XKR6: variants seen among roughly 807,000 people sequenced by gnomAD.
XKR6 encodes XK related 6.
In XKR6, 22 loss-of-function variants were observed where a neutral mutation model predicts 56.7. The ratio of observed to expected loss-of-function variants is 0.39; its 90% CI spans 0.28 to 0.55. The LOEUF (loss-of-function observed/expected upper bound fraction) is 0.55. Ranked by LOEUF, XKR6 falls within the 20% of genes least tolerant of loss-of-function variation. The pLI is 0.66. For synonymous variants in XKR6, 524 were observed against 387.8 expected (o/e 1.35, Z -4.13); for missense variants, 852 against 889.0 (o/e 0.96, Z 0.53).
intron 1 of XKR6, among the ~76,000 whole-genome samples, chr8:10,929,811 C>T (rs959784917): frequency 2.6e-5 from 4 of 152,190 alleles, no homozygotes; most frequent in African/African-American, 9.6e-5. Context: ...CAGATGGCAG[C>T]CATTACTGCT....
At position 11,014,225 on chromosome 8, in the gene XKR6, G is replaced by A. The variant is rs150073900; in HGVS notation, c.765-89395C>T. Among the ~76,000 whole-genome samples the A allele has an allele frequency of 5.3e-5, 8 of 152,288 alleles. No individual in the cohort carries two copies. The East Asian group carries it at 1.5e-3, about 29-fold the overall frequency. On this transcript the variant is annotated intron_variant, in intron 1 of 2. Transcript: ENST00000416569. ...GCCCCTAAGCATTCATCCTCCCTAT[G>A]TAATCTCAATCTTTATTAAGTGTGA...
chr8:10,998,117 C>T (rs2129142258), intron 1 of XKR6, among the ~76,000 whole-genome samples: 1 of 152,252 alleles, frequency 6.6e-6, no homozygotes, highest in East Asian at 1.9e-4. Context: ...CCAGCACTCA[C>T]TTCTAAGATT....
At chr8:11,085,789 C>T (rs1049128943) in intron 1 of XKR6, among the ~76,000 whole-genome samples, 1 of 152,176 alleles carries the variant, frequency 6.6e-6, no homozygotes, top group Admixed American at 6.5e-5. Context: ...CCAGTCTCTC[C>T]CCTTCCTCCT....
At chr8:11,137,744 G>C (rs77759554) in intron 1 of XKR6, 28,755 of 455,650 alleles carry the variant, frequency 0.063, 1,118 homozygotes, top group South Asian at 0.085. Flanking sequence ...AGTTGGCTCT[G>C]AATCGAATCC....
chr8:11,067,100 G>A (rs893578420), intron 1 of XKR6: 13 of 152,298 alleles, frequency 8.5e-5, no homozygotes, highest in African/African-American at 2.7e-4. Flanking sequence ...CCTGTAAGCT[G>A]TGTCTTAGGG....
chr8:11,067,769 G>C (rs768288273), intron 1 of XKR6, among the ~76,000 whole-genome samples: 2 of 152,204 alleles, frequency 1.3e-5, no homozygotes, highest in Non-Finnish European at 2.9e-5. Context: ...GGGGAGAGGA[G>C]TCTCTGCCAC....
intron 1 of XKR6, among the ~76,000 whole-genome samples, chr8:11,052,250 C>T (rs920116396): frequency 6.6e-6 from 1 of 152,198 alleles, no homozygotes; most frequent in Non-Finnish European, 1.5e-5. Context: ...GAGGTATCTG[C>T]TCAAGGATAG....
At position 11,158,953 on chromosome 8, in the gene XKR6, C is replaced by T. The variant is rs1002342032; in HGVS notation, c.764+41623G>A. 5.9e-5 allele frequency among the ~76,000 whole-genome samples: 9 copies of T among 152,144 alleles called. No individual in the cohort carries two copies. The South Asian group carries it at 8.3e-4, about 14-fold the overall frequency. ...TTCCTGCAACTGAGGACCCGCTTGC[C>T]GGCACTCAGTAGGACACGTGATTAA... is the stretch of plus-strand genomic sequence containing the variant. On this transcript the variant is annotated intron_variant, in intron 1 of 2. Transcript: ENST00000416569.
intron 1 of XKR6, among the ~76,000 whole-genome samples, chr8:11,096,036 A>C (rs1798254266): frequency 6.6e-6 from 1 of 152,266 alleles, no homozygotes; most frequent in South Asian, 2.1e-4. Context: ...ACTTTTCTGA[A>C]TGTCAAAAAT....
chr8:10,984,695 G>GCTCGCTCTCTCTCTCTCTCTCT (rs1491394669), intron 1 of XKR6, among the ~76,000 whole-genome samples: 3 of 56,334 alleles, frequency 5.3e-5, no homozygotes, highest in Non-Finnish European at 7.3e-5. Context: ...AAAATACATG[G>GCTCGCTCTCTCTCTCTCTCTCT]CTCTCTCTCT....
intron 1 of XKR6, among the ~76,000 whole-genome samples, chr8:11,171,545 G>A (rs1563192169): frequency 6.6e-6 from 1 of 152,128 alleles, no homozygotes; most frequent in Non-Finnish European, 1.5e-5. Context: ...CTTACTCTTA[G>A]TCCCCACGGG....
chr8:11,100,226 G>A (rs1563135745), intron 1 of XKR6, among the ~76,000 whole-genome samples: 1 of 152,066 alleles, frequency 6.6e-6, no homozygotes, highest in South Asian at 2.1e-4. Flanking sequence ...CTAATTTTCC[G>A]TATTTTTTGT....
intron 1 of XKR6, among the ~76,000 whole-genome samples, chr8:11,148,998 G>T (rs1801133416): frequency 6.6e-6 from 1 of 152,198 alleles, no homozygotes; most frequent in Non-Finnish European, 1.5e-5. Context: ...ATCAGTGGTT[G>T]CCTGGAAATG....
intron 1 of XKR6, among the ~76,000 whole-genome samples, chr8:11,022,526 AAAGACT>A (rs1172914890): frequency 6.6e-6 from 1 of 152,206 alleles, no homozygotes; most frequent in Non-Finnish European, 1.5e-5. Flanking sequence ...TGAATGGGAC[AAAGACT>A]AAGTGTCAAA....
intron 1 of XKR6, among the ~76,000 whole-genome samples, chr8:11,122,069 G>C (rs964038929): frequency 6.6e-6 from 1 of 152,210 alleles, no homozygotes; most frequent in Non-Finnish European, 1.5e-5. Context: ...CATAAAGTGA[G>C]TGATAATCAA....
At chr8:11,060,277 C>G (rs893529731) in intron 1 of XKR6, among the ~76,000 whole-genome samples, 1 of 152,148 alleles carries the variant, frequency 6.6e-6, no homozygotes, top group Admixed American at 6.5e-5. Context: ...GGGGAGGAGA[C>G]AGCCAGCAGC....
At chr8:10,949,814 G>C (rs1563306530) in intron 1 of XKR6, among the ~76,000 whole-genome samples, 1 of 152,168 alleles carries the variant, frequency 6.6e-6, no homozygotes, top group Non-Finnish European at 1.5e-5. Flanking sequence ...GAGGGTACGA[G>C]GAAGATTCCA....
At chr8:11,189,402 T>TTC (rs1412696541) in intron 1 of XKR6, among the ~76,000 whole-genome samples, 1 of 152,226 alleles carries the variant, frequency 6.6e-6, no homozygotes, top group Non-Finnish European at 1.5e-5. Context: ...TTAAATGTCT[T>TTC]TCCTGCATTC....
intron 1 of XKR6, among the ~76,000 whole-genome samples, chr8:11,091,470 A>C (rs1442849683): frequency 6.7e-6 from 1 of 149,136 alleles, no homozygotes; most frequent in Non-Finnish European, 1.5e-5. Context: ...TAGATAGATA[A>C]AAAGATAAAG....
Sources: gnomAD v4.1 joint callset for allele counts (sites outside exome capture counted in the v4.1 genomes callset) on GRCh38, gnomAD v4.1.1 for gene constraint, MANE v1.5 for transcripts, NCBI Gene and HGNC (gene_info 2026-07-23, HGNC 2026-07-21) for gene names.